NEIL2: variants seen among roughly 807,000 people sequenced by gnomAD.
NEIL2 encodes nei like DNA glycosylase 2.
Under a neutral mutation model 22.2 loss-of-function variants are expected in NEIL2, and 23 were observed. The ratio of observed to expected loss-of-function variants is 1.04; its 90% CI spans 0.75 to 1.47. The LOEUF is 1.47. Among genes scored for constraint, NEIL2 ranks in the 40% most tolerant of loss-of-function variants. The pLI is 0.00. For synonymous variants in NEIL2, 229 were observed against 164.8 expected (o/e 1.39, Z -2.99); for missense variants, 583 against 404.7 (o/e 1.44, Z -3.78).
chr8:11,776,979 GCC>G (rs1803957297), intron 2 of NEIL2, among the ~76,000 whole-genome samples: 1 of 152,164 alleles, frequency 6.6e-6, no homozygotes, highest in South Asian at 2.1e-4. Context: ...CTGACCAGGA[GCC>G]CCTGTTCCAG....
chr8:11,780,291 A>T (rs1490162340), intron 3 of NEIL2, among the ~76,000 whole-genome samples: 5 of 152,150 alleles, frequency 3.3e-5, no homozygotes, highest in African/African-American at 4.8e-5. Context: ...TCCCAGTTTT[A>T]TTTTAAGTAT....
intron 1 of NEIL2, among the ~76,000 whole-genome samples, chr8:11,770,818 C>T (rs1404134911): frequency 6.6e-6 from 1 of 151,948 alleles, no homozygotes; most frequent in African/African-American, 2.4e-5. Context: ...GTGATTAGAA[C>T]AGAACCACAG....
rs1003864076 is a variant in NEIL2 at position 11,778,222 on chromosome 8, T to C, written c.139-1376T>C. On this transcript the variant is annotated intron_variant, in intron 2 of 4. Coordinates refer to ENST00000284503, the MANE Select transcript of NEIL2 (RefSeq NM_145043.4). Reference sequence around the variant, plus strand: ...TATTTTCATCAGAATTATATCAACATTGGTGAGTTTATACCAAGAAATATT... The same window carrying C: ...TATTTTCATCAGAATTATATCAACACTGGTGAGTTTATACCAAGAAATATT... 2.6e-5 allele frequency among the ~76,000 whole-genome samples: 4 copies of C among 152,100 alleles called. No homozygotes were observed. In the East Asian group the frequency reaches 7.7e-4, roughly 29 times the overall value.
chr8:11,772,289 C>T (rs1803523569), intron 2 of NEIL2, among the ~76,000 whole-genome samples: 1 of 152,182 alleles, frequency 6.6e-6, no homozygotes. Context: ...TCCCTGTTTT[C>T]TCACCACTGC....
At position 11,783,272 on chromosome 8, in the gene NEIL2, C is replaced by T; in HGVS notation, c.561C>T (p.Ser187=). The T allele has an allele frequency of 1.9e-6, 3 of 1,614,218 alleles. No individual in the cohort carries two copies. The highest frequency in any genetic ancestry group is 1.7e-6 in the Non-Finnish European group (2 of 1,180,024). The change falls in exon 4 of 5, where the codon TCC becomes TCT. Residue 187 remains serine, a synonymous_variant. Transcript: ENST00000284503. Reference sequence around the variant, plus strand: ...ATTGTCAGTTGTCTTGGAGCTCTTCCCCAGTGGTCACACCCACCTGTGACA... The same window carrying T: ...ATTGTCAGTTGTCTTGGAGCTCTTCTCCAGTGGTCACACCCACCTGTGACA... ...FYNCQLSWSS[S]PVVTPTCDIL...
intron 2 of NEIL2, among the ~76,000 whole-genome samples, chr8:11,774,781 G>T (rs1177826027): frequency 6.6e-6 from 1 of 152,206 alleles, no homozygotes; most frequent in Non-Finnish European, 1.5e-5. Context: ...AAAACGAAGG[G>T]GCTACAGGCC....
chr8:11,771,302 A>C lies in NEIL2; in HGVS notation c.-2-144A>C, dbSNP rs535076874. The stretch of plus-strand genomic sequence containing the variant: ...CTTCTCTATGATCTGACCGCCTCCC[A>C]GCCACACTCCCTTTTTGGCCATGCT... On this transcript the variant is annotated intron_variant, in intron 1 of 4. Transcript: ENST00000284503. 4 of 992,366 alleles carry C rather than the reference A, an allele frequency of 4.0e-6. No individual in the cohort carries two copies. In the South Asian group the frequency reaches 5.5e-5, roughly 14 times the overall value. 61.5% of individuals were successfully genotyped at this position (992,366 alleles called of 1,614,324 possible).
Position 11,771,561 on chromosome 8 carries a change from GTC to G in NEIL2, c.118_119del (p.Leu40ValfsTer15), listed in dbSNP as rs1803441782. 6.2e-7 allele frequency: 1 copy of G among 1,613,988 alleles called. No individual in the cohort carries two copies. The highest frequency in any genetic ancestry group is 1.3e-5 in the African/African-American group (1 of 74,916). On this transcript the variant is annotated frameshift_variant, in exon 2 of 5. Coordinates refer to ENST00000284503, the MANE Select transcript of NEIL2 (RefSeq NM_145043.4). LOFTEE classifies it high-confidence loss of function. ...AGAAGCTACAGCCCGCCAGCCTGCA[GTC>G]TCTGTGGCTCCAGGACACCCAGGTG... ...SKKLQPASLQ[S>X]LWLQDTQVHG...
At chr8:11,778,768 G>A (rs1804128854) in intron 2 of NEIL2, among the ~76,000 whole-genome samples, 1 of 151,880 alleles carries the variant, frequency 6.6e-6, no homozygotes, top group Admixed American at 6.6e-5. Context: ...CCTTGCTAAC[G>A]TGGTGAGACG....
intron 4 of NEIL2, among the ~76,000 whole-genome samples, chr8:11,784,031 G>A (rs552565421): frequency 1.4e-5 from 2 of 146,922 alleles, no homozygotes; most frequent in South Asian, 2.2e-4. Flanking sequence ...CTATGACAGC[G>A]TGGCGTTCTT....
Position 11,786,007 on chromosome 8 carries a change from C to G in NEIL2, c.733C>G (p.Pro245Ala), listed in dbSNP as rs751355466. ...AGCCTTGTACAGAGCTGGGATCCATCCCCTTTCTCTCGGTTCAGTCCTGAG... is the reference window on the plus strand; with the variant it reads ...AGCCTTGTACAGAGCTGGGATCCATGCCCTTTCTCTCGGTTCAGTCCTGAG... ...NEALYRAGIHPLSLGSVLSAS... is the reference protein window; with the variant it reads ...NEALYRAGIHALSLGSVLSAS... The change falls in exon 5 of 5, where the codon CCC (proline) becomes GCC (alanine). Residue 245 changes from proline to alanine, a missense_variant. Physicochemically the swap from Pro to Ala is conservative, Grantham distance 27. Transcript: ENST00000284503. 6.2e-7 allele frequency: 1 copy of G among 1,614,158 alleles called. No individual in the cohort carries two copies. The highest frequency in any genetic ancestry group is 1.7e-5 in the Admixed American group (1 of 60,020).
At chr8:11,778,732 G>A (rs1396440274) in intron 2 of NEIL2, among the ~76,000 whole-genome samples, 1 of 151,934 alleles carries the variant, frequency 6.6e-6, no homozygotes, top group Non-Finnish European at 1.5e-5. Flanking sequence ...CGGGCAGATC[G>A]CTTGAGGTCA....
intron 4 of NEIL2, among the ~76,000 whole-genome samples, chr8:11,785,611 T>G (rs1804843497): frequency 1.3e-5 from 2 of 152,352 alleles, no homozygotes; most frequent in African/African-American, 4.8e-5. Context: ...CATCCCTGCC[T>G]TACAGATAAG....
Position 11,785,951 on chromosome 8 carries a change from G to T in NEIL2, c.689-12G>T. ...CTTTGTCCTTCCCTTACCTTCCCCC[G>T]CTTTATTTCAGGGAACATCATTAAG... is the stretch of plus-strand genomic sequence containing the variant. On this transcript the variant is annotated splice_polypyrimidine_tract_variant and intron_variant, in intron 4 of 4. Transcript: ENST00000284503. The T allele has an allele frequency of 3.7e-6, 6 of 1,613,356 alleles. No individual in the cohort carries two copies. Among genetic ancestry groups the T allele is most frequent in the Non-Finnish European group, 5.1e-6 (6 of 1,179,418 alleles).
At chr8:11,771,121 C>T (rs1371295025) in intron 1 of NEIL2, among the ~76,000 whole-genome samples, 3 of 152,180 alleles carry the variant, frequency 2.0e-5, no homozygotes, top group Non-Finnish European at 2.9e-5. Context: ...CAAAGGCCAG[C>T]TCCTGGTGTG....
chr8:11,786,317 C>A lies in NEIL2; in HGVS notation c.*44C>A, dbSNP rs1290184710. The A allele has an allele frequency of 1.3e-6, 2 of 1,576,510 alleles. No homozygotes were observed. The highest frequency in any genetic ancestry group is 2.3e-5 in the South Asian group (2 of 87,816). On this transcript the variant is annotated 3_prime_UTR_variant, in exon 5 of 5. Transcript: ENST00000284503. ...CACGGAACCTTGCCGCTTGGGGAAC[C>A]TGACGTCTAAGTGTCCAGAAAGGAG...
At position 11,786,550 on chromosome 8, in the gene NEIL2, C is replaced by G; in HGVS notation, c.*277C>G. The G allele has an allele frequency of 4.0e-6, 2 of 502,260 alleles. No individual in the cohort carries two copies. Among genetic ancestry groups the G allele is most frequent in the South Asian group, 2.1e-5 (1 of 46,560 alleles). 31.1% of individuals were successfully genotyped at this position (502,260 alleles called of 1,614,324 possible). On this transcript the variant is annotated 3_prime_UTR_variant, in exon 5 of 5. Coordinates refer to ENST00000284503, the MANE Select transcript of NEIL2 (RefSeq NM_145043.4). ...GATGATGGGTAAGGGGAAAACTTCCCGGAAGGCAATGGGGCAAGGAAAAAG... is the reference window on the plus strand; with the variant it reads ...GATGATGGGTAAGGGGAAAACTTCCGGGAAGGCAATGGGGCAAGGAAAAAG...
In NEIL2 at chr8:11,777,185, G is replaced by A. The variant is rs548264740; in HGVS notation, c.139-2413G>A. 3.0e-4 allele frequency among the ~76,000 whole-genome samples: 45 copies of A among 151,142 alleles called. No homozygotes were observed. The South Asian group carries it at 7.3e-3, about 25-fold the overall frequency. On this transcript the variant is annotated intron_variant, in intron 2 of 4. Coordinates refer to ENST00000284503, the MANE Select transcript of NEIL2 (RefSeq NM_145043.4). ...TTCTTTTTTTTTTGTACAGATGGGCGTTTCACTTTGTTACCCAGGCTGGTC... is the reference window on the plus strand; with the variant it reads ...TTCTTTTTTTTTTGTACAGATGGGCATTTCACTTTGTTACCCAGGCTGGTC...
chr8:11,776,290 T>G (rs1481315702), intron 2 of NEIL2, among the ~76,000 whole-genome samples: 1 of 152,128 alleles, frequency 6.6e-6, no homozygotes. Flanking sequence ...GGGAACAGCA[T>G]GGGAAAAAAC....
Sources: gnomAD v4.1 joint callset for allele counts (sites outside exome capture counted in the v4.1 genomes callset) on GRCh38, gnomAD v4.1.1 for gene constraint, MANE v1.5 for transcripts, NCBI Gene and HGNC (gene_info 2026-07-23, HGNC 2026-07-21) for gene names.